Variants in PFKP observed in about 807,000 individuals in gnomAD.
The protein encoded by PFKP is phosphofructokinase, platelet.
Under a neutral mutation model 94.3 loss-of-function variants are expected in PFKP, and 101 were observed. The ratio of observed to expected loss-of-function variants is 1.07; its 90% CI spans 0.91 to 1.26. The LOEUF is 1.26. PFKP is among the 50% of genes most tolerant of loss of function. The pLI is 0.00. For missense variants in PFKP, 1,145 were observed against 1,103.3 expected, an observed-to-expected ratio of 1.04 and a Z score of -0.53; for synonymous variants, 573 against 432.6, an observed-to-expected ratio of 1.32 and a Z score of -4.03.
intron 17 of PFKP, 31 bp downstream of exon 17, chr10:3,130,014 C>G (rs372328903): frequency 5.2e-6 from 8 of 1,541,210 alleles, no homozygotes; most frequent in South Asian, 1.2e-5. Context: ...CAGGGCCCGT[C>G]CCCTTGGGAT....
chr10:3,135,618 C>T, intron 20 of PFKP, 118 bp from the exon 21 acceptor site: 1 of 648,670 alleles, frequency 1.5e-6, no homozygotes, highest in Non-Finnish European at 2.7e-6. Context: ...CACTGGGCTT[C>T]CAGGCCGGGT....
rs368730335 is a variant in PFKP at position 3,136,485 on chromosome 10, T to C, written c.2261T>C (p.Leu754Pro). The change falls in exon 22 of 22, where the codon CTA becomes CCA. Residue 754 changes from leucine (L) to proline (P), a missense_variant. Physicochemically the swap from Leu to Pro is moderately conservative, Grantham distance 98. Coordinates refer to ENST00000381125, the MANE Select transcript of PFKP (RefSeq NM_002627.5). The stretch of plus-strand genomic sequence containing the variant: ...CCCAAAGAACAGTGGTGGCTCAAGC[T>C]ACGGCCCCTCATGAAAATCCTGGCC... Reference protein sequence around the residue: ...RIPKEQWWLKLRPLMKILAKY... With the variant: ...RIPKEQWWLKPRPLMKILAKY... 6.2e-7 allele frequency: 1 copy of C among 1,613,606 alleles called. No individual in the cohort carries two copies. Among genetic ancestry groups the C allele is most frequent in the Non-Finnish European group, 8.5e-7 (1 of 1,179,754 alleles).
Position 3,119,984 on chromosome 10 carries a change from C to T in PFKP, c.1623C>T (p.Asn541=). 1 of 1,614,130 alleles carries T rather than the reference C, an allele frequency of 6.2e-7. No homozygotes were observed. The highest frequency in any genetic ancestry group is 1.3e-5 in the African/African-American group (1 of 75,056). ...PMVMVPATVS[N]NVPGSDFSIG... ...TCATGGTTCCCGCTACTGTGTCCAA[C>T]AATGTGCCGGGTTCCGATTTCAGCA... is the stretch of plus-strand genomic sequence containing the variant. The change falls in exon 16 of 22, where the codon AAC becomes AAT. Residue 541 remains asparagine, a synonymous_variant. Transcript: ENST00000381125.
At chr10:3,115,181 A>G (rs1401139883) in intron 13 of PFKP, among the ~76,000 whole-genome samples, 2 of 152,188 alleles carry the variant, frequency 1.3e-5, no homozygotes, top group Admixed American at 6.5e-5. Context: ...CACTTCTTGC[A>G]GGTAGGATGA....
intron 4 of PFKP, among the ~76,000 whole-genome samples, chr10:3,102,832 C>T (rs1194670443): frequency 1.3e-5 from 2 of 152,348 alleles, no homozygotes; most frequent in African/African-American, 2.4e-5. Context: ...TGTGAACATC[C>T]TCGTAGGGGA....
chr10:3,122,122 C>T (rs533281418), intron 16 of PFKP, among the ~76,000 whole-genome samples: 55 of 152,244 alleles, frequency 3.6e-4, no homozygotes, highest in African/African-American at 1.2e-3. Context: ...CGCGCCGGGC[C>T]TGAAGTTAAC....
At chr10:3,118,123 G>C (rs1257160013) in intron 14 of PFKP, among the ~76,000 whole-genome samples, 1 of 152,160 alleles carries the variant, frequency 6.6e-6, no homozygotes, top group African/African-American at 2.4e-5. Context: ...GATTTTAAAT[G>C]AGATCAATAG....
chr10:3,130,155 C>G (rs947137056), intron 17 of PFKP, among the ~76,000 whole-genome samples, 172 bp downstream of exon 17: 3 of 152,244 alleles, frequency 2.0e-5, no homozygotes, highest in Non-Finnish European at 4.4e-5. Flanking sequence ...TACTGCGTGT[C>G]AGGTGACGGT....
At chr10:3,108,480 G>C (rs1835851001) in intron 8 of PFKP, among the ~76,000 whole-genome samples, 1 of 152,140 alleles carries the variant, frequency 6.6e-6, no homozygotes, top group Admixed American at 6.5e-5. Flanking sequence ...TGCGAGCCAA[G>C]ATCTTGTCTG....
chr10:3,081,210 C>A (rs1208041038), intron 1 of PFKP, among the ~76,000 whole-genome samples: 1 of 152,192 alleles, frequency 6.6e-6, no homozygotes, highest in Non-Finnish European at 1.5e-5. Context: ...GAATTGTCAA[C>A]TTTCAGAGGC....
At chr10:3,071,427 G>GTTTTTTTT (rs569603765) in intron 1 of PFKP, among the ~76,000 whole-genome samples, 155 of 92,376 alleles carry the variant, frequency 1.7e-3, no homozygotes, top group East Asian at 3.6e-3. Flanking sequence ...GTCTCAGGCT[G>GTTTTTTTT]TTTTTTTTTT....
chr10:3,112,368 G>T, intron 11 of PFKP, 82 bp downstream of exon 11: 1 of 1,020,156 alleles, frequency 9.8e-7, no homozygotes, highest in Non-Finnish European at 1.6e-6. Flanking sequence ...CTTAGGGGTT[G>T]TGCTTATTCC....
Position 3,079,668 on chromosome 10 carries a change from G to C in PFKP, c.113-2720G>C, listed in dbSNP as rs35454947. On this transcript the variant is annotated intron_variant, in intron 1 of 21. Coordinates refer to ENST00000381125, the MANE Select transcript of PFKP (RefSeq NM_002627.5). Reference sequence around the variant, plus strand: ...AGGTCTTCAGAGAGCGGGGTGGGGGGGGGGGGAAGAGGAGCAGGGGTGAGG... The same window carrying C: ...AGGTCTTCAGAGAGCGGGGTGGGGGCGGGGGGAAGAGGAGCAGGGGTGAGG... 1.2e-4 allele frequency among the ~76,000 whole-genome samples: 14 copies of C among 115,286 alleles called. 3 individuals are homozygous for C. Among genetic ancestry groups the C allele is most frequent in the South Asian group, 8.0e-4 (2 of 2,496 alleles). The allele number at this position is 115,286 out of a possible 152,430, so 75.6% of individuals were successfully genotyped here.
chr10:3,068,707 A>G, intron 1 of PFKP: 1 of 984,596 alleles, frequency 1.0e-6, no homozygotes, highest in Non-Finnish European at 1.2e-6. Flanking sequence ...CGGTGCCCGG[A>G]TGATGGAGTG....
chr10:3,080,246 A>G (rs1832945464), intron 1 of PFKP, among the ~76,000 whole-genome samples: 1 of 152,116 alleles, frequency 6.6e-6, no homozygotes, highest in Non-Finnish European at 1.5e-5. Context: ...TGCCGGGTGC[A>G]GTGGCTCAAG....
intron 4 of PFKP, among the ~76,000 whole-genome samples, chr10:3,103,405 G>A (rs1308913471): frequency 6.6e-6 from 1 of 152,156 alleles, no homozygotes; most frequent in Non-Finnish European, 1.5e-5. Context: ...CCAGCACTTT[G>A]GAAGGCCAAG....
chr10:3,111,424 G>C lies in PFKP; in HGVS notation c.1090-798G>C, dbSNP rs142895068. ...AGGCTCAGAGCACTGAACGACATGC[G>C]GTACGTGTATTTTGAGCCTGTGTCT... is the stretch of plus-strand genomic sequence containing the variant. On this transcript the variant is annotated intron_variant, in intron 10 of 21. Coordinates refer to ENST00000381125, the MANE Select transcript of PFKP (RefSeq NM_002627.5). Among the ~76,000 whole-genome samples, 178 of 152,184 alleles carry C rather than the reference G, an allele frequency of 1.2e-3. 2 individuals carry two copies. Among genetic ancestry groups the C allele is most frequent in the African/African-American group, 4.2e-3 (174 of 41,502 alleles).
At chr10:3,084,206 G>A (rs1052248074) in intron 2 of PFKP, among the ~76,000 whole-genome samples, 1 of 152,226 alleles carries the variant, frequency 6.6e-6, no homozygotes, top group East Asian at 1.9e-4. Flanking sequence ...TCTTGCCTAA[G>A]TAATTCCTGA....
At chr10:3,079,603 G>A (rs557732061) in intron 1 of PFKP, among the ~76,000 whole-genome samples, 1 of 144,452 alleles carries the variant, frequency 6.9e-6, no homozygotes, top group South Asian at 2.2e-4. Context: ...TAAAATCCCC[G>A]AGTTCTTCAT....
Sources: allele counts gnomAD v4.1 joint callset (sites outside exome capture counted in the v4.1 genomes callset), GRCh38; gene constraint gnomAD v4.1.1; transcripts MANE v1.5; gene names NCBI Gene and HGNC (gene_info 2026-07-23, HGNC 2026-07-21).